HS3ST4: variants seen among roughly 807,000 people sequenced by gnomAD.
The protein encoded by HS3ST4 is heparan sulfate glucosamine 3-O-sulfotransferase 4.
In HS3ST4, 17 loss-of-function variants were observed where a neutral mutation model predicts 29.2. That is an observed-to-expected ratio of 0.58 (90% CI 0.40 to 0.87). HS3ST4 has a LOEUF of 0.87. Ranked by LOEUF, HS3ST4 falls within the 40% of genes least tolerant of loss-of-function variation. The pLI, the probability that HS3ST4 is intolerant of heterozygous loss-of-function variation, is 0.00. For missense variants in HS3ST4, 627 were observed against 634.5 expected, an observed-to-expected ratio of 0.99 and a Z score of 0.13; for synonymous variants, 314 against 285.7, an observed-to-expected ratio of 1.10 and a Z score of -1.00.
At chr16:26,031,641 A>G (rs1596656470) in intron 1 of HS3ST4, among the ~76,000 whole-genome samples, 1 of 151,996 alleles carries the variant, frequency 6.6e-6, no homozygotes. Flanking sequence ...TTTAGAAAGC[A>G]TGTCAATAGG....
At chr16:26,047,174 G>T (rs935392960) in intron 1 of HS3ST4, among the ~76,000 whole-genome samples, 1 of 152,192 alleles carries the variant, frequency 6.6e-6, no homozygotes, top group African/African-American at 2.4e-5. Flanking sequence ...AAGTTGCCAT[G>T]AGCACCTCCT....
intron 1 of HS3ST4, among the ~76,000 whole-genome samples, chr16:26,044,866 A>G (rs1382061044): frequency 6.6e-6 from 1 of 152,060 alleles, no homozygotes. Flanking sequence ...TGGGACCGAG[A>G]GCTTTATTAT....
chr16:25,740,783 AC>A (rs1020471115), intron 1 of HS3ST4, among the ~76,000 whole-genome samples: 25 of 152,184 alleles, frequency 1.6e-4, no homozygotes, highest in African/African-American at 6.0e-4. Flanking sequence ...GCCCAGGGTC[AC>A]ACAGTGCCAG....
rs186299648 is a variant in HS3ST4 at position 26,118,419 on chromosome 16, C to T, written c.735-17193C>T. On this transcript the variant is annotated intron_variant, in intron 1 of 1. Transcript: ENST00000331351. ...TGACTTTTAAGTTGCATGTAGATGT[C>T]ACAAAAACTACAGTGATGGGCTAAA... Among the ~76,000 whole-genome samples the T allele has an allele frequency of 2.9e-3, 438 of 152,202 alleles. 1 individual carries two copies. Among genetic ancestry groups the T allele is most frequent in the African/African-American group, 0.01 (423 of 41,522 alleles).
At position 26,068,444 on chromosome 16, in the gene HS3ST4, G is replaced by T. The variant is rs144146582; in HGVS notation, c.735-67168G>T. Among the ~76,000 whole-genome samples, 17 of 152,256 alleles carry T rather than the reference G, an allele frequency of 1.1e-4. No individual in the cohort carries two copies. In the East Asian group the frequency reaches 2.9e-3, roughly 26 times the overall value. On this transcript the variant is annotated intron_variant, in intron 1 of 1. Coordinates refer to ENST00000331351, the MANE Select transcript of HS3ST4 (RefSeq NM_006040.3). ...AATATTCTAGCCTCATTTTACAGGTGAGGGTTCTGAGCACCATAGACATCA... is the reference window on the plus strand; with the variant it reads ...AATATTCTAGCCTCATTTTACAGGTTAGGGTTCTGAGCACCATAGACATCA...
chr16:25,997,072 C>T (rs563030126), intron 1 of HS3ST4, among the ~76,000 whole-genome samples: 17 of 152,214 alleles, frequency 1.1e-4, no homozygotes, highest in African/African-American at 3.9e-4. Context: ...GATTTTTGTA[C>T]ATTTATCTCA....
chr16:25,916,992 T>C (rs1248335775), intron 1 of HS3ST4, among the ~76,000 whole-genome samples: 1 of 152,148 alleles, frequency 6.6e-6, no homozygotes, highest in Non-Finnish European at 1.5e-5. Context: ...AATGCATTCT[T>C]AAGTGCCTGT....
intron 1 of HS3ST4, among the ~76,000 whole-genome samples, chr16:25,797,482 A>C (rs1966893010): frequency 6.6e-6 from 1 of 152,194 alleles, no homozygotes; most frequent in Admixed American, 6.5e-5. Context: ...CAAATGAATT[A>C]ATACATGCGA....
In HS3ST4 at chr16:25,789,448, TTCCTTCCTTCCTTCC is replaced by T. The variant is rs1567240209; in HGVS notation, c.734+96299_734+96313del. Among the ~76,000 whole-genome samples the T allele has an allele frequency of 8.1e-4, 47 of 58,368 alleles. 1 individual carries two copies. Among genetic ancestry groups the T allele is most frequent in the African/African-American group, 1.9e-3 (27 of 14,138 alleles). 38.3% of individuals were successfully genotyped at this position (58,368 alleles called of 152,430 possible). A position where few individuals can be genotyped will look rare whatever the true frequency, so the allele number is the denominator to read the frequency against. On this transcript the variant is annotated intron_variant, in intron 1 of 1. Transcript: ENST00000331351. ...CTTCCTTCCTTCCTTCCTTCCTTCCTTCCTTCCTTCCTTCCTTCCTTCTTTCTTTCTTTCTCTTTC... is the reference window on the plus strand; with the variant it reads ...CTTCCTTCCTTCCTTCCTTCCTTCCTTTCCTTCTTTCTTTCTTTCTCTTTC...
intron 1 of HS3ST4, among the ~76,000 whole-genome samples, chr16:26,063,292 A>G (rs1176728528): frequency 1.3e-5 from 2 of 151,334 alleles, no homozygotes; most frequent in Admixed American, 6.6e-5. Flanking sequence ...TTCCTCCCCA[A>G]CCCCTTCCAT....
At chr16:25,723,004 CAA>C (rs914994959) in intron 1 of HS3ST4, among the ~76,000 whole-genome samples, 5 of 152,136 alleles carry the variant, frequency 3.3e-5, no homozygotes, top group Admixed American at 1.3e-4. Flanking sequence ...TGACAGGAGA[CAA>C]GAGAGAATGA....
At chr16:26,116,887 G>A (rs773924214) in intron 1 of HS3ST4, among the ~76,000 whole-genome samples, 1 of 152,168 alleles carries the variant, frequency 6.6e-6, no homozygotes, top group Non-Finnish European at 1.5e-5. Flanking sequence ...TCAGATTTGG[G>A]ATTTTGGGGG....
At chr16:26,076,512 G>C (rs147009749) in intron 1 of HS3ST4, among the ~76,000 whole-genome samples, 2 of 152,192 alleles carry the variant, frequency 1.3e-5, no homozygotes, top group African/African-American at 2.4e-5. Flanking sequence ...ATAAGGTGGG[G>C]GATAAGGGTT....
At chr16:25,990,376 CA>C (rs1743200120) in intron 1 of HS3ST4, among the ~76,000 whole-genome samples, 1 of 152,212 alleles carries the variant, frequency 6.6e-6, no homozygotes, top group South Asian at 2.1e-4. Context: ...TTCCCACCAG[CA>C]GTGAATGAGA....
intron 1 of HS3ST4, among the ~76,000 whole-genome samples, chr16:26,097,712 C>T (rs1200201048): frequency 5.3e-5 from 8 of 152,152 alleles, no homozygotes; most frequent in African/African-American, 1.9e-4. Flanking sequence ...GCAATGGCAA[C>T]AAAAGCCAAA....
chr16:26,039,765 C>G (rs188688973), intron 1 of HS3ST4, among the ~76,000 whole-genome samples: 33 of 152,270 alleles, frequency 2.2e-4, no homozygotes, highest in Non-Finnish European at 3.7e-4. Context: ...TGGTAGCCAT[C>G]CTTCTACTCT....
chr16:25,955,032 G>A (rs1409793665), intron 1 of HS3ST4, among the ~76,000 whole-genome samples: 1 of 152,210 alleles, frequency 6.6e-6, no homozygotes, highest in Non-Finnish European at 1.5e-5. Flanking sequence ...CTCTGTAAAT[G>A]TCAATGCTAA....
At chr16:25,988,717 A>G (rs1044186347) in intron 1 of HS3ST4, among the ~76,000 whole-genome samples, 1 of 152,082 alleles carries the variant, frequency 6.6e-6, no homozygotes, top group Non-Finnish European at 1.5e-5. Flanking sequence ...CGGAGAGTGG[A>G]GGGTGGAGGG....
At chr16:26,061,707 G>A (rs1277963320) in intron 1 of HS3ST4, among the ~76,000 whole-genome samples, 1 of 152,080 alleles carries the variant, frequency 6.6e-6, no homozygotes, top group East Asian at 1.9e-4. Flanking sequence ...TGACTTAGGG[G>A]CCCAAATAAT....
Sources: allele counts gnomAD v4.1 joint callset (sites outside exome capture counted in the v4.1 genomes callset), GRCh38; gene constraint gnomAD v4.1.1; transcripts MANE v1.5; gene names NCBI Gene and HGNC (gene_info 2026-07-23, HGNC 2026-07-21).